The following DAB1 variants were observed in gnomAD, a reference collection of about 807,000 sequenced individuals.
DAB1 encodes DAB adaptor protein 1.
DAB1 carries 15 observed loss-of-function variants against 64.6 expected under a neutral mutation model. The observed-to-expected ratio is 0.23, with a 90% CI of 0.16 to 0.36. The LOEUF is 0.36. Among genes scored for constraint, DAB1 ranks in the 10% least tolerant of loss-of-function variants. The pLI is 1.00. For synonymous variants in DAB1, 235 were observed against 251.9 expected (o/e 0.93, Z 0.64); for missense variants, 596 against 706.7 (o/e 0.84, Z 1.78).
chr1:58,478,734 G>T (rs914682267), intron 3 of DAB1, among the ~76,000 whole-genome samples: 1 of 152,132 alleles, frequency 6.6e-6, no homozygotes, highest in Admixed American at 6.6e-5. Context: ...AGTTTTAGAG[G>T]ATAGTCTCAC....
intron 6 of DAB1, among the ~76,000 whole-genome samples, chr1:57,668,884 T>C (rs891205788): frequency 3.9e-5 from 6 of 152,144 alleles, no homozygotes; most frequent in Middle Eastern, 3.2e-3. Context: ...ATATTTTATG[T>C]GTTTTATTAT....
intron 9 of DAB1, among the ~76,000 whole-genome samples, chr1:57,060,858 G>A (rs1650316017): frequency 6.6e-6 from 1 of 151,568 alleles, no homozygotes; most frequent in Non-Finnish European, 1.5e-5. Flanking sequence ...TTTTTTTCTG[G>A]AGCTATTAAG....
intron 2 of DAB1, among the ~76,000 whole-genome samples, chr1:57,196,014 G>A (rs1336248144): frequency 1.3e-5 from 2 of 152,148 alleles, no homozygotes; most frequent in Admixed American, 1.3e-4. Context: ...AAAGCAGTCA[G>A]TGCTGTGAGG....
intron 6 of DAB1, among the ~76,000 whole-genome samples, chr1:57,698,365 T>C (rs1381513507): frequency 6.6e-6 from 1 of 151,876 alleles, no homozygotes; most frequent in Admixed American, 6.6e-5. Context: ...CCCAAAGCAC[T>C]AGGATTACAG....
rs530900104 is a variant in DAB1 at position 58,158,367 on chromosome 1, T to C, written n.310-7779A>G. ...GAGCAGAGATAAATTCAAAGGATGA[T>C]TTTACAAAAGAGAAAAGTTGGGGTG... On this transcript the variant is annotated intron_variant and non_coding_transcript_variant, in intron 4 of 20. Coordinates refer to the DAB1 transcript ENST00000485760. Among the ~76,000 whole-genome samples, 17 of 152,254 alleles carry C rather than the reference T, an allele frequency of 1.1e-4. 1 individual carries two copies. The South Asian group carries it at 2.3e-3, about 20-fold the overall frequency.
At chr1:57,030,891 A>G (rs1028138804) in intron 9 of DAB1, among the ~76,000 whole-genome samples, 1 of 152,236 alleles carries the variant, frequency 6.6e-6, no homozygotes, top group Non-Finnish European at 1.5e-5. Context: ...CTGCAACTCT[A>G]TGCTTTTAAA....
At chr1:58,067,050 C>T (rs1161418429) in intron 5 of DAB1, among the ~76,000 whole-genome samples, 1 of 152,168 alleles carries the variant, frequency 6.6e-6, no homozygotes. Context: ...CTCATCTCTG[C>T]TCCCCATCAG....
chr1:57,169,284 T>A (rs1019628932), intron 2 of DAB1, among the ~76,000 whole-genome samples: 2 of 152,190 alleles, frequency 1.3e-5, no homozygotes, highest in African/African-American at 4.8e-5. Context: ...CTTATTATTA[T>A]CTTTACTCAT....
At chr1:57,100,794 G>A (rs1466009652) in intron 4 of DAB1, among the ~76,000 whole-genome samples, 5 of 152,062 alleles carry the variant, frequency 3.3e-5, no homozygotes, top group South Asian at 2.1e-4. Flanking sequence ...AATGAAGCAC[G>A]CATGAGTAGG....
At chr1:58,449,176 C>T (rs1284317319) in intron 3 of DAB1, among the ~76,000 whole-genome samples, 3 of 152,080 alleles carry the variant, frequency 2.0e-5, no homozygotes, top group Non-Finnish European at 1.5e-5. Context: ...GCACGTATCG[C>T]GGGAATGAAT....
intron 6 of DAB1, among the ~76,000 whole-genome samples, chr1:57,663,572 C>T (rs1646412187): frequency 6.6e-6 from 1 of 152,050 alleles, no homozygotes; most frequent in South Asian, 2.1e-4. Flanking sequence ...TTGTTAATTA[C>T]AAATTTTAAA....
rs66960756 is a variant in DAB1 at position 58,079,515 on chromosome 1, C to CTTT, written n.387+70993_387+70995dup. Among the ~76,000 whole-genome samples the CTTT allele has an allele frequency of 6.8e-3, 459 of 67,840 alleles. 1 individual carries two copies. The highest frequency in any genetic ancestry group is 0.011 in the East Asian group (20 of 1,858). 44.5% of individuals were successfully genotyped at this position (67,840 alleles called of 152,430 possible). The stretch of plus-strand genomic sequence containing the variant: ...ATTGTTAAATGAATGAGCATACCAT[C>CTTT]TTTTTTTTTTTTTTTTTTTTTTTTT... On this transcript the variant is annotated intron_variant and non_coding_transcript_variant, in intron 5 of 20. Coordinates refer to the DAB1 transcript ENST00000485760.
chr1:57,258,067 C>A (rs1025779994), intron 2 of DAB1, among the ~76,000 whole-genome samples: 3 of 152,180 alleles, frequency 2.0e-5, no homozygotes, highest in African/African-American at 7.2e-5. Context: ...AGTAAATAAT[C>A]CATTTCCAAT....
chr1:57,211,768 A>G (rs1233265941), intron 2 of DAB1, among the ~76,000 whole-genome samples: 11 of 152,262 alleles, frequency 7.2e-5, no homozygotes, highest in South Asian at 2.1e-4. Context: ...GTAAAAAACA[A>G]TAACAATAAT....
intron 4 of DAB1, among the ~76,000 whole-genome samples, chr1:58,328,892 C>A (rs905547112): frequency 6.6e-6 from 1 of 152,160 alleles, no homozygotes; most frequent in African/African-American, 2.4e-5. Flanking sequence ...ACCAGGCCAA[C>A]TCTTGCTTAT....
chr1:58,245,484 A>G (rs1227552008), intron 4 of DAB1, among the ~76,000 whole-genome samples: 2 of 152,010 alleles, frequency 1.3e-5, no homozygotes, highest in Non-Finnish European at 2.9e-5. Context: ...GGCTCCATCA[A>G]CTCTTAAGCT....
chr1:57,411,510 T>C (rs1684110598), intron 1 of DAB1, among the ~76,000 whole-genome samples: 1 of 152,266 alleles, frequency 6.6e-6, no homozygotes, highest in African/African-American at 2.4e-5. Flanking sequence ...AGCCAGACTC[T>C]GGCCCCCAGG....
intron 7 of DAB1, among the ~76,000 whole-genome samples, chr1:57,440,751 C>T (rs76102997): frequency 0.026 from 3,952 of 152,220 alleles, 166 homozygotes; most frequent in African/African-American, 0.09. Context: ...ATCAGAAGTC[C>T]AGAGTCTCTT....
chr1:57,502,357 C>T (rs1189387735), intron 7 of DAB1, among the ~76,000 whole-genome samples: 1 of 150,856 alleles, frequency 6.6e-6, no homozygotes, highest in Non-Finnish European at 1.5e-5. Context: ...GAAAGAAACC[C>T]ACTATAGTAG....
Sources: gnomAD v4.1 joint callset for allele counts (sites outside exome capture counted in the v4.1 genomes callset) on GRCh38, gnomAD v4.1.1 for gene constraint, MANE v1.5 for transcripts, NCBI Gene and HGNC (gene_info 2026-07-23, HGNC 2026-07-21) for gene names.